The following MAPK10 variants were observed in gnomAD, a reference collection of about 807,000 sequenced individuals.
MAPK10 encodes JNK3 alpha protein kinase.
Under a neutral mutation model 59.3 loss-of-function variants are expected in MAPK10, and 25 were observed. The ratio of observed to expected loss-of-function variants is 0.42; its 90% CI spans 0.31 to 0.59. The LOEUF (loss-of-function observed/expected upper bound fraction) is 0.59, where lower values mean the gene tolerates loss of function less well. Ranked by LOEUF, MAPK10 falls within the 20% of genes least tolerant of loss-of-function variation. The pLI is 0.15. For synonymous variants in MAPK10, 190 were observed against 200.5 expected (o/e 0.95, Z 0.44); for missense variants, 351 against 568.9 (o/e 0.62, Z 3.90).
chr4:86,586,492 C>T (rs184187329), intron 1 of MAPK10, among the ~76,000 whole-genome samples: 17 of 152,310 alleles, frequency 1.1e-4, no homozygotes, highest in Admixed American at 6.5e-4. Flanking sequence ...TATCTCTCTC[C>T]TTTAGGGTTT....
intron 1 of MAPK10, among the ~76,000 whole-genome samples, chr4:86,524,147 G>A (rs1343342194): frequency 6.6e-6 from 1 of 152,158 alleles, no homozygotes; most frequent in Non-Finnish European, 1.5e-5. Context: ...TGAAGTAGAA[G>A]GAGACTGAGG....
rs1371463302 is a variant in MAPK10, at chr4:86,015,851, G to A, written c.*1377C>T. 2 of 152,240 alleles carry A rather than the reference G, an allele frequency of 1.3e-5. No homozygotes were observed. Among genetic ancestry groups the A allele is most frequent in the East Asian group, 1.9e-4 (1 of 5,188 alleles). 9.4% of individuals were successfully genotyped at this position (152,240 alleles called of 1,614,324 possible). ...AAACATGAAACATCAGCCACATTAA[G>A]GAGTCAGGGAAACTCCTGAGGAATA... On this transcript the variant is annotated 3_prime_UTR_variant, in exon 14 of 14. Coordinates refer to ENST00000641462, the MANE Select transcript of MAPK10 (RefSeq NM_138982.4).
Position 86,478,921 on chromosome 4 carries a change from C to T in MAPK10, c.-263+114989G>A, listed in dbSNP as rs186471067. Among the ~76,000 whole-genome samples the T allele has an allele frequency of 4.9e-3, 747 of 152,260 alleles. 4 individuals are homozygous for T. Among genetic ancestry groups the T allele is most frequent in the African/African-American group, 0.017 (695 of 41,558 alleles). On this transcript the variant is annotated intron_variant, in intron 1 of 4. Coordinates refer to the MAPK10 transcript ENST00000502302. ...TCAAAGAAATAACTTCTCAGTCTTCCATCTGCTATTCTACTACTCCTCAGA... is the reference window on the plus strand; with the variant it reads ...TCAAAGAAATAACTTCTCAGTCTTCTATCTGCTATTCTACTACTCCTCAGA...
chr4:86,198,060 G>A (rs915515963), intron 2 of MAPK10, among the ~76,000 whole-genome samples: 1 of 152,114 alleles, frequency 6.6e-6, no homozygotes, highest in African/African-American at 2.4e-5. Context: ...TGGGGATGGG[G>A]AGAAACTAGA....
intron 1 of MAPK10, among the ~76,000 whole-genome samples, chr4:86,430,527 ATTT>A (rs1426674102): frequency 6.6e-6 from 1 of 152,200 alleles, no homozygotes; most frequent in Non-Finnish European, 1.5e-5. Context: ...AGATACCGAT[ATTT>A]AAATAAACGA....
intron 11 of MAPK10, among the ~76,000 whole-genome samples, chr4:86,046,369 C>G (rs2042500985): frequency 6.6e-6 from 1 of 151,682 alleles, no homozygotes; most frequent in South Asian, 2.1e-4. Flanking sequence ...GAGAGGGCAT[C>G]CTTGTCTTGT....
intron 1 of MAPK10, among the ~76,000 whole-genome samples, chr4:86,502,795 T>C (rs1755425581): frequency 6.6e-6 from 1 of 152,134 alleles, no homozygotes; most frequent in South Asian, 2.1e-4. Flanking sequence ...TTTATCTCTC[T>C]TCTTTATTCT....
At chr4:86,187,272 T>G (rs2078476251) in intron 3 of MAPK10, among the ~76,000 whole-genome samples, 1 of 152,216 alleles carries the variant, frequency 6.6e-6, no homozygotes, top group South Asian at 2.1e-4. Flanking sequence ...TAATATAAAA[T>G]AGAACAATTA....
chr4:86,241,667 T>C (rs1467924939), intron 2 of MAPK10, among the ~76,000 whole-genome samples: 1 of 152,186 alleles, frequency 6.6e-6, no homozygotes, highest in African/African-American at 2.4e-5. Context: ...GTTGTGTTTT[T>C]CAACTCCATC....
At chr4:86,339,091 A>G (rs1045669683) in intron 2 of MAPK10, among the ~76,000 whole-genome samples, 1 of 152,212 alleles carries the variant, frequency 6.6e-6, no homozygotes. Flanking sequence ...CTCTGCAGTC[A>G]GGCACTATTC....
intron 1 of MAPK10, among the ~76,000 whole-genome samples, chr4:86,561,596 T>C (rs1760685653): frequency 1.3e-5 from 2 of 152,212 alleles, no homozygotes; most frequent in Non-Finnish European, 1.5e-5. Flanking sequence ...AAAAATTAGC[T>C]GTGCTGGCTC....
chr4:86,557,754 T>C (rs1651557988), intron 1 of MAPK10, among the ~76,000 whole-genome samples: 2 of 152,064 alleles, frequency 1.3e-5, no homozygotes, highest in African/African-American at 4.8e-5. Context: ...GTTTTCATAT[T>C]AGTCAGTTAG....
intron 1 of MAPK10, among the ~76,000 whole-genome samples, chr4:86,424,247 G>C (rs776093795): frequency 1.1e-4 from 16 of 151,854 alleles, no homozygotes; most frequent in Non-Finnish European, 1.8e-4. Flanking sequence ...CTGTTGCCCA[G>C]TGGCGCAATC....
intron 3 of MAPK10, among the ~76,000 whole-genome samples, chr4:86,189,533 G>A (rs529702750): frequency 6.6e-6 from 1 of 152,236 alleles, no homozygotes; most frequent in South Asian, 2.1e-4. Context: ...GTTCACTCAT[G>A]ATTTGGCTCT....
At chr4:86,123,403 G>C (rs1422847681) in intron 4 of MAPK10, among the ~76,000 whole-genome samples, 1 of 151,896 alleles carries the variant, frequency 6.6e-6, no homozygotes, top group Non-Finnish European at 1.5e-5. Context: ...ATTTCCTTTG[G>C]ATTTATACCC....
intron 4 of MAPK10, among the ~76,000 whole-genome samples, chr4:86,132,207 T>G (rs997798964): frequency 1.3e-5 from 2 of 152,210 alleles, no homozygotes; most frequent in Admixed American, 1.3e-4. Context: ...CATTGATACA[T>G]GTATGAAACT....
At position 86,580,897 on chromosome 4, in the gene MAPK10, C is replaced by A. The variant is rs117134554; in HGVS notation, c.-263+13013G>T. ...AACCCCAACATATCTCTACTTCCTG[C>A]GGATAAACAGCCTGATTTGACCTGG... On this transcript the variant is annotated intron_variant, in intron 1 of 4. Transcript: ENST00000502302. 2.0e-5 allele frequency among the ~76,000 whole-genome samples: 3 copies of A among 152,204 alleles called. No homozygotes were observed. The East Asian group carries it at 5.8e-4, about 29-fold the overall frequency.
intron 3 of MAPK10, among the ~76,000 whole-genome samples, chr4:86,175,531 A>G (rs1397877198): frequency 6.6e-6 from 1 of 152,038 alleles, no homozygotes. Flanking sequence ...TGCCATCTCA[A>G]TAGTGAGTTC....
chr4:86,280,969 G>C (rs2094778152), intron 2 of MAPK10, among the ~76,000 whole-genome samples: 1 of 151,962 alleles, frequency 6.6e-6, no homozygotes, highest in Admixed American at 6.6e-5. Context: ...GGGAGGCAAG[G>C]GTTGGAAAAC....
Sources: allele counts gnomAD v4.1 joint callset (sites outside exome capture counted in the v4.1 genomes callset), GRCh38; gene constraint gnomAD v4.1.1; transcripts MANE v1.5; gene names NCBI Gene and HGNC (gene_info 2026-07-23, HGNC 2026-07-21).